The following KCNB2 variants were observed in gnomAD, a reference collection of about 807,000 sequenced individuals.
KCNB2 encodes potassium voltage-gated channel subfamily B member 2, also known as delayed rectifier potassium channel protein.
In KCNB2, 15 loss-of-function variants were observed where a neutral mutation model predicts 61.5. That is an observed-to-expected ratio of 0.24 (90% CI 0.16 to 0.38). The LOEUF (loss-of-function observed/expected upper bound fraction) is 0.38, where lower values mean the gene tolerates loss of function less well. Among genes scored for constraint, KCNB2 ranks in the 10% least tolerant of loss-of-function variants. The pLI, the probability that KCNB2 is intolerant of heterozygous loss-of-function variation, is 1.00. For missense variants in KCNB2, 828 were observed against 1,125.2 expected (o/e 0.74, Z 3.78); for synonymous variants, 457 against 446.0 (o/e 1.02, Z -0.31).
chr8:72,683,914 C>T (rs143958634), intron 2 of KCNB2, among the ~76,000 whole-genome samples: 32 of 152,026 alleles, frequency 2.1e-4, no homozygotes, highest in Non-Finnish European at 2.4e-4. Flanking sequence ...GTCATGAAGG[C>T]CTTTATATGG....
chr8:72,583,777 G>A (rs1806948491), intron 2 of KCNB2, among the ~76,000 whole-genome samples: 3 of 151,768 alleles, frequency 2.0e-5, no homozygotes, highest in South Asian at 2.1e-4. Flanking sequence ...TAGAATGAGT[G>A]CATTTATTTA....
chr8:72,778,704 C>CTGCATTCCA (rs1808699245), intron 2 of KCNB2, among the ~76,000 whole-genome samples: 1 of 108,504 alleles, frequency 9.2e-6, no homozygotes, highest in South Asian at 3.3e-4. Flanking sequence ...CACTGCACCA[C>CTGCATTCCA]TGCATTCCAG....
chr8:72,908,704 C>G (rs1310830786), intron 2 of KCNB2, among the ~76,000 whole-genome samples: 1 of 152,220 alleles, frequency 6.6e-6, no homozygotes, highest in Non-Finnish European at 1.5e-5. Context: ...ACAAAGGCAA[C>G]AGCTGCAGAG....
chr8:72,832,414 CA>C (rs1166978625), intron 2 of KCNB2, among the ~76,000 whole-genome samples: 1 of 151,996 alleles, frequency 6.6e-6, no homozygotes, highest in Non-Finnish European at 1.5e-5. Flanking sequence ...GGATTGGAGG[CA>C]AAAGTCTAGT....
chr8:72,900,391 T>A (rs886569932), intron 2 of KCNB2, among the ~76,000 whole-genome samples: 3 of 152,014 alleles, frequency 2.0e-5, no homozygotes, highest in African/African-American at 4.8e-5. Flanking sequence ...ACAATAAAAA[T>A]CCTAAGAGAA....
intron 2 of KCNB2, among the ~76,000 whole-genome samples, chr8:72,755,647 G>A (rs1333899237): frequency 6.6e-6 from 1 of 152,162 alleles, no homozygotes; most frequent in East Asian, 1.9e-4. Flanking sequence ...ACCACAATTA[G>A]ATATTACTAC....
chr8:72,778,004 G>A (rs959887163), intron 2 of KCNB2, among the ~76,000 whole-genome samples: 4 of 152,164 alleles, frequency 2.6e-5, no homozygotes, highest in South Asian at 4.2e-4. Flanking sequence ...CTTTCTTCCC[G>A]TCTTTTCTTT....
chr8:72,773,616 T>C (rs1455723655), intron 2 of KCNB2, among the ~76,000 whole-genome samples: 1 of 152,206 alleles, frequency 6.6e-6, no homozygotes, highest in African/African-American at 2.4e-5. Context: ...ATAGAAATTG[T>C]GGGGAGGGGC....
chr8:72,628,076 C>G (rs1438059548), intron 2 of KCNB2, among the ~76,000 whole-genome samples: 1 of 152,118 alleles, frequency 6.6e-6, no homozygotes, highest in African/African-American at 2.4e-5. Flanking sequence ...GCCTCAGCCT[C>G]CTGAGTAGCT....
chr8:72,659,313 A>G (rs1161098826), intron 2 of KCNB2, among the ~76,000 whole-genome samples: 1 of 152,230 alleles, frequency 6.6e-6, no homozygotes, highest in Non-Finnish European at 1.5e-5. Context: ...ATTGGAGGCT[A>G]AAGATGTGAC....
chr8:72,629,027 C>T (rs1805838604), intron 2 of KCNB2, among the ~76,000 whole-genome samples: 1 of 152,062 alleles, frequency 6.6e-6, no homozygotes, highest in Non-Finnish European at 1.5e-5. Flanking sequence ...GAGTGTCAAA[C>T]CAATTGTTAG....
chr8:72,927,408 T>C (rs1806673549), intron 2 of KCNB2, among the ~76,000 whole-genome samples: 1 of 152,092 alleles, frequency 6.6e-6, no homozygotes, highest in Admixed American at 6.5e-5. Context: ...GTAGTTGGGA[T>C]TACAGGCACA....
intron 2 of KCNB2, among the ~76,000 whole-genome samples, chr8:72,685,756 G>A (rs185419976): frequency 4.2e-4 from 64 of 152,308 alleles, no homozygotes; most frequent in Admixed American, 1.4e-3. Context: ...TTGGGAGGCC[G>A]AGGCAGGCAG....
At chr8:72,677,351 A>T (rs1005781765) in intron 2 of KCNB2, among the ~76,000 whole-genome samples, 5 of 152,224 alleles carry the variant, frequency 3.3e-5, no homozygotes, top group African/African-American at 1.2e-4. Context: ...ACTACAGGCC[A>T]CAACCTCTCA....
intron 2 of KCNB2, among the ~76,000 whole-genome samples, chr8:72,686,718 T>C (rs974493652): frequency 6.6e-6 from 1 of 152,192 alleles, no homozygotes; most frequent in African/African-American, 2.4e-5. Flanking sequence ...AATAATTTTC[T>C]AAGACTAATG....
chr8:72,741,227 T>A (rs1807953238), intron 2 of KCNB2, among the ~76,000 whole-genome samples: 1 of 152,158 alleles, frequency 6.6e-6, no homozygotes, highest in Admixed American at 6.6e-5. Context: ...GAGCACTGGC[T>A]TGTGAACTAC....
intron 2 of KCNB2, among the ~76,000 whole-genome samples, chr8:72,687,606 C>T (rs1170303103): frequency 1.3e-5 from 2 of 151,932 alleles, no homozygotes; most frequent in East Asian, 1.9e-4. Flanking sequence ...AGTAGTGTGC[C>T]GTTAACCCTA....
intron 2 of KCNB2, among the ~76,000 whole-genome samples, chr8:72,749,038 A>G (rs1046507343): frequency 1.3e-5 from 2 of 152,154 alleles, no homozygotes; most frequent in Non-Finnish European, 2.9e-5. Context: ...TGATGTACAT[A>G]ATGTGTATAG....
At position 72,937,599 on chromosome 8, in the gene KCNB2, C is replaced by T. The variant is rs757399889; in HGVS notation, c.2244C>T (p.Thr748=). ...PVTTADFSLT[T]PQHISTILLE... ...CCACAGCTGACTTTTCGCTCACTAC[C>T]CCGCAGCACATCAGTACCATCCTCT... The change falls in exon 3 of 3, where the codon ACC becomes ACT. Residue 748 remains threonine, a synonymous_variant. Transcript: ENST00000523207. 1 of 1,614,006 alleles carries T rather than the reference C, an allele frequency of 6.2e-7. No individual in the cohort carries two copies. Among genetic ancestry groups the T allele is most frequent in the Non-Finnish European group, 8.5e-7 (1 of 1,180,010 alleles).
Sources: allele counts gnomAD v4.1 joint callset (sites outside exome capture counted in the v4.1 genomes callset), GRCh38; gene constraint gnomAD v4.1.1; transcripts MANE v1.5; gene names NCBI Gene and HGNC (gene_info 2026-07-23, HGNC 2026-07-21).